KCNMA1: variants seen among roughly 807,000 people sequenced by gnomAD.
The protein encoded by KCNMA1 is Calcium-activated potassium channel subunit alpha-1.
KCNMA1 carries 29 observed loss-of-function variants against 140.0 expected under a neutral mutation model. The ratio of observed to expected loss-of-function variants is 0.21; its 90% CI spans 0.15 to 0.28. KCNMA1 has a LOEUF of 0.28. Ranked by LOEUF, KCNMA1 falls within the 10% of genes least tolerant of loss-of-function variation. The pLI is 1.00. For missense variants in KCNMA1, 880 were observed against 1,602.2 expected (o/e 0.55, Z 7.70); for synonymous variants, 612 against 611.9 (o/e 1.00, Z 0.00).
intron 2 of KCNMA1, among the ~76,000 whole-genome samples, chr10:77,376,887 G>A (rs576526402): frequency 1.4e-4 from 22 of 152,162 alleles, no homozygotes; most frequent in African/African-American, 4.6e-4. Flanking sequence ...GTAGTGAGCC[G>A]AGATCGTGCC....
At chr10:77,577,081 G>C (rs1029989825) in intron 1 of KCNMA1, among the ~76,000 whole-genome samples, 1 of 150,214 alleles carries the variant, frequency 6.7e-6, no homozygotes, top group Non-Finnish European at 1.5e-5. Context: ...ACCCCATGTT[G>C]ACGAGCCTAC....
chr10:77,502,892 T>G (rs2044427053), intron 1 of KCNMA1, among the ~76,000 whole-genome samples: 3 of 152,200 alleles, frequency 2.0e-5, no homozygotes. Flanking sequence ...ATGACAACGA[T>G]AGTGATGGTG....
intron 5 of KCNMA1, among the ~76,000 whole-genome samples, chr10:77,153,301 C>T (rs1177449768): frequency 2.0e-5 from 3 of 152,100 alleles, no homozygotes; most frequent in African/African-American, 7.2e-5. Flanking sequence ...TCCAGCTCAC[C>T]CCCAAAATTC....
At chr10:77,590,136 G>A (rs1365094691) in intron 1 of KCNMA1, among the ~76,000 whole-genome samples, 1 of 152,246 alleles carries the variant, frequency 6.6e-6, no homozygotes, top group Non-Finnish European at 1.5e-5. Context: ...GATACAGAGT[G>A]CCGACTGGTG....
chr10:77,217,197 C>T lies in KCNMA1; in HGVS notation c.603-32281G>A, dbSNP rs1191935498. 3.3e-5 allele frequency among the ~76,000 whole-genome samples: 5 copies of T among 150,948 alleles called. No individual in the cohort carries two copies. In the East Asian group the frequency reaches 5.9e-4, roughly 18 times the overall value. Reference sequence around the variant, plus strand: ...GCAGGTGCCTGTGGTCCCACCTACTCGGGAGGCTGAGGCAGGAGAATCGCT... The same window carrying T: ...GCAGGTGCCTGTGGTCCCACCTACTTGGGAGGCTGAGGCAGGAGAATCGCT... On this transcript the variant is annotated intron_variant, in intron 3 of 27. Coordinates refer to ENST00000286628, the MANE Select transcript of KCNMA1 (RefSeq NM_001161352.2).
intron 1 of KCNMA1, among the ~76,000 whole-genome samples, chr10:77,565,359 A>G (rs1268238059): frequency 8.2e-5 from 6 of 73,014 alleles, no homozygotes; most frequent in Non-Finnish European, 2.0e-4. Context: ...TTTACTTCTG[A>G]GCACATTTTC....
At chr10:76,919,961 C>T (rs1259278144) in intron 23 of KCNMA1, among the ~76,000 whole-genome samples, 1 of 132,052 alleles carries the variant, frequency 7.6e-6, no homozygotes, top group East Asian at 2.3e-4. Flanking sequence ...TCCTAGAATA[C>T]TAATGAGAAG....
intron 19 of KCNMA1, among the ~76,000 whole-genome samples, chr10:76,984,374 G>A (rs907051556): frequency 1.3e-5 from 2 of 151,974 alleles, no homozygotes; most frequent in African/African-American, 4.8e-5. Context: ...ATTTTTAGTA[G>A]AGACGGGGTT....
chr10:77,082,138 C>G (rs889701491), intron 12 of KCNMA1, among the ~76,000 whole-genome samples: 1 of 150,126 alleles, frequency 6.7e-6, no homozygotes, highest in African/African-American at 2.5e-5. Context: ...AAGCGATTCC[C>G]CTGCCTCAAC....
intron 2 of KCNMA1, among the ~76,000 whole-genome samples, chr10:77,312,703 T>G (rs966948906): frequency 9.2e-5 from 14 of 152,158 alleles, no homozygotes; most frequent in African/African-American, 2.4e-4. Context: ...AAGGGAGTAC[T>G]CATTGTTGGA....
chr10:77,539,103 C>T (rs1603634227), intron 1 of KCNMA1, among the ~76,000 whole-genome samples: 1 of 152,184 alleles, frequency 6.6e-6, no homozygotes, highest in East Asian at 1.9e-4. Context: ...GAGACTTACA[C>T]CATTCATAAA....
rs751919609 is a variant in KCNMA1, at chr10:76,969,984, T to C, written c.2350A>G (p.Lys784Glu). 5 of 1,612,054 alleles carry C rather than the reference T, an allele frequency of 3.1e-6. No individual in the cohort carries two copies. The highest frequency in any genetic ancestry group is 1.1e-5 in the South Asian group (1 of 91,036). Residue 784 changes from lysine to glutamate, a missense_variant, in exon 20 of 28, where the codon AAG (lysine) becomes GAG (glutamate). By Grantham distance (56) the Lys-to-Glu change is moderately conservative. Around this residue, in one of 13 missense-constraint regions of KCNMA1, gnomAD observed 196 missense variants for 233.0 expected, o/e 0.84. Coordinates refer to ENST00000286628, the MANE Select transcript of KCNMA1 (RefSeq NM_001161352.2). ...AGCCCCTCTCCTTACCTCATCAGCT[T>C]AGGCGAGGTGTTGGGTGAGTTCCGC... The part of the protein sequence containing the change: ...GMRNSPNTSP[K>E]LMRHDPLLIP...
At chr10:77,496,155 C>A (rs538112048) in intron 1 of KCNMA1, among the ~76,000 whole-genome samples, 1 of 152,280 alleles carries the variant, frequency 6.6e-6, no homozygotes, top group Admixed American at 6.5e-5. Flanking sequence ...GCCTGGCCCT[C>A]CCTTAGCAGC....
chr10:77,614,849 TG>T (rs1213950936), intron 1 of KCNMA1, among the ~76,000 whole-genome samples: 1 of 152,206 alleles, frequency 6.6e-6, no homozygotes, highest in African/African-American at 2.4e-5. Context: ...CTGACACTCT[TG>T]GAATCCTCTT....
rs528574903 is a variant in KCNMA1, at chr10:77,596,565, G to A, written c.378+40700C>T. 2.6e-5 allele frequency among the ~76,000 whole-genome samples: 4 copies of A among 152,332 alleles called. No homozygotes were observed. The East Asian group carries it at 7.7e-4, about 29-fold the overall frequency. On this transcript the variant is annotated intron_variant, in intron 1 of 27. Transcript: ENST00000286628. ...ACTGGCAATCAAGCGCATACCCACA[G>A]AGGTTGTACCAGGATTTACATGCGC...
At chr10:77,027,221 C>A (rs963009176) in intron 16 of KCNMA1, among the ~76,000 whole-genome samples, 119 of 152,194 alleles carry the variant, frequency 7.8e-4, no homozygotes, top group African/African-American at 2.7e-3. Flanking sequence ...TCAACCAGAC[C>A]CAGTCCCTCA....
chr10:76,967,025 C>T (rs2074218484), intron 20 of KCNMA1, among the ~76,000 whole-genome samples: 2 of 152,158 alleles, frequency 1.3e-5, no homozygotes, highest in African/African-American at 4.8e-5. Flanking sequence ...AAGGAAAAGA[C>T]CATTAGTGCA....
chr10:77,039,703 G>T (rs938510403), intron 14 of KCNMA1, 66 bp from the exon 15 acceptor site: 299 of 977,598 alleles, frequency 3.1e-4, no homozygotes, highest in Non-Finnish European at 4.3e-4. Context: ...GGAAACCTGA[G>T]TTACACTCTT....
intron 1 of KCNMA1, among the ~76,000 whole-genome samples, chr10:77,449,160 AC>A (rs2097581965): frequency 6.6e-6 from 1 of 152,126 alleles, no homozygotes; most frequent in Admixed American, 6.6e-5. Context: ...ATTTCTGGAA[AC>A]CTATCCTGAA....
Sources: allele counts gnomAD v4.1 joint callset (sites outside exome capture counted in the v4.1 genomes callset), GRCh38; gene constraint gnomAD v4.1.1; regional missense constraint gnomAD v4.1.1; transcripts MANE v1.5; gene names NCBI Gene and HGNC (gene_info 2026-07-23, HGNC 2026-07-21).